Variants in ST7 observed in about 807,000 individuals in gnomAD.
ST7 encodes the protein suppression of tumorigenicity 7, also known as suppressor of tumorigenicity 7 protein.
Under a neutral mutation model 78.7 loss-of-function variants are expected in ST7, and 28 were observed. That is an observed-to-expected ratio of 0.36 (90% CI 0.26 to 0.49). The LOEUF (loss-of-function observed/expected upper bound fraction) is 0.49. ST7 is among the 20% of genes least tolerant of loss of function. ST7 has a pLI of 0.99. For synonymous variants in ST7, 247 were observed against 249.6 expected, an observed-to-expected ratio of 0.99 and a Z score of 0.10; for missense variants, 418 against 696.0, an observed-to-expected ratio of 0.60 and a Z score of 4.49.
Position 117,002,773 on chromosome 7 carries a change from A to C in ST7, c.151+49082A>C, listed in dbSNP as rs373282117. ...ATCTGTTTATGATTTTATATGATTAAGACAACATGAAATTAGATGCATCTA... is the reference window on the plus strand; with the variant it reads ...ATCTGTTTATGATTTTATATGATTACGACAACATGAAATTAGATGCATCTA... On this transcript the variant is annotated intron_variant, in intron 1 of 15. Coordinates refer to ENST00000323984, the MANE Select transcript of ST7 (RefSeq NM_001369598.1). Among the ~76,000 whole-genome samples the C allele has an allele frequency of 7.9e-5, 12 of 151,098 alleles. No individual in the cohort carries two copies. In the East Asian group the frequency reaches 2.3e-3, roughly 29 times the overall value.
At chr7:117,095,504 C>G (rs1263661296) in intron 1 of ST7, among the ~76,000 whole-genome samples, 2 of 152,218 alleles carry the variant, frequency 1.3e-5, no homozygotes, top group Admixed American at 1.3e-4. Flanking sequence ...AATGAGAAGA[C>G]TATGCCAGGT....
intron 2 of ST7, among the ~76,000 whole-genome samples, chr7:117,108,827 C>G (rs1802183845): frequency 6.6e-6 from 1 of 151,988 alleles, no homozygotes; most frequent in Admixed American, 6.6e-5. Context: ...AAGTGTATTC[C>G]TAAGTATTTT....
rs137866535 is a variant in ST7 at position 117,193,150 on chromosome 7, T to TACACACACACACACACACAC, written c.1254+2227_1254+2246dup. On this transcript the variant is annotated intron_variant, in intron 12 of 15. Transcript: ENST00000323984. Reference sequence around the variant, plus strand: ...GCTCTAAATATCTAACTTTAGCAGATACACACACACACACACACACACACA... The same window carrying TACACACACACACACACACAC: ...GCTCTAAATATCTAACTTTAGCAGATACACACACACACACACACACACACACACACACACACACACACACA... Among the ~76,000 whole-genome samples the TACACACACACACACACACAC allele has an allele frequency of 1.8e-3, 256 of 144,964 alleles. 1 individual carries two copies. The highest frequency in any genetic ancestry group is 5.0e-3 in the African/African-American group (198 of 39,240).
At chr7:116,971,795 A>G (rs186199278) in intron 1 of ST7, among the ~76,000 whole-genome samples, 2,710 of 149,196 alleles carry the variant, frequency 0.018, 36 homozygotes, top group Non-Finnish European at 0.028. Context: ...AAAAGTGAGA[A>G]AAGGATTAGA....
At chr7:117,225,516 C>T (rs776488330) in intron 15 of ST7, among the ~76,000 whole-genome samples, 5 of 152,100 alleles carry the variant, frequency 3.3e-5, no homozygotes, top group South Asian at 4.1e-4. Context: ...CCCCTTCTCC[C>T]GCCGCCTCCT....
intron 1 of ST7, among the ~76,000 whole-genome samples, chr7:117,095,938 G>A (rs1800993705): frequency 6.6e-6 from 1 of 151,760 alleles, no homozygotes; most frequent in African/African-American, 2.4e-5. Context: ...TGTGGTGGCA[G>A]GTGCCTGCAA....
At chr7:117,097,921 T>A (rs1412454837) in intron 1 of ST7, among the ~76,000 whole-genome samples, 1 of 109,860 alleles carries the variant, frequency 9.1e-6, no homozygotes, top group South Asian at 3.2e-4. Flanking sequence ...TTTTTTTTTT[T>A]TTTTTTTGAT....
chr7:117,055,334 C>G (rs1798007002), intron 1 of ST7, among the ~76,000 whole-genome samples: 1 of 152,080 alleles, frequency 6.6e-6, no homozygotes, highest in African/African-American at 2.4e-5. Flanking sequence ...TCCCAAGTAG[C>G]TGGGATTACA....
chr7:117,052,817 G>A (rs1045401182), intron 1 of ST7, among the ~76,000 whole-genome samples: 6 of 152,208 alleles, frequency 3.9e-5, no homozygotes, highest in South Asian at 2.1e-4. Context: ...TGGCGTGAAC[G>A]CAGGAGGCGG....
At chr7:117,115,905 C>T (rs1802844755) in intron 2 of ST7, among the ~76,000 whole-genome samples, 2 of 152,164 alleles carry the variant, frequency 1.3e-5, no homozygotes, top group Non-Finnish European at 2.9e-5. Flanking sequence ...TTCCAAATAT[C>T]CTTCCATTCA....
intron 1 of ST7, among the ~76,000 whole-genome samples, chr7:116,982,919 A>T (rs554022004): frequency 6.6e-6 from 1 of 152,026 alleles, no homozygotes; most frequent in Admixed American, 6.6e-5. Flanking sequence ...TGTTTTTGAG[A>T]TGGAGTTTCA....
At chr7:117,130,946 T>G (rs1306528520) in intron 5 of ST7, among the ~76,000 whole-genome samples, 1 of 151,882 alleles carries the variant, frequency 6.6e-6, no homozygotes, top group Non-Finnish European at 1.5e-5. Context: ...ATATTCAAAG[T>G]AGAAATTGGA....
chr7:117,187,383 A>G lies in ST7; in HGVS notation c.1079-1938A>G, dbSNP rs377274311. ...TTTTTTAAGCATTTTTCTTGTGCAC[A>G]TATACTACTTAATAAAGGAGAAGGA... On this transcript the variant is annotated intron_variant, in intron 10 of 15. Coordinates refer to ENST00000323984, the MANE Select transcript of ST7 (RefSeq NM_001369598.1). Among the ~76,000 whole-genome samples, 44 of 152,266 alleles carry G rather than the reference A, an allele frequency of 2.9e-4. No individual in the cohort carries two copies. In the South Asian group the frequency reaches 3.9e-3, roughly 14 times the overall value.
At chr7:117,076,950 C>A (rs1799390070) in intron 1 of ST7, among the ~76,000 whole-genome samples, 1 of 152,138 alleles carries the variant, frequency 6.6e-6, no homozygotes, top group African/African-American at 2.4e-5. Flanking sequence ...CCAGGAGAAA[C>A]AAGTTTACAC....
At chr7:117,121,360 T>C (rs555311500) in intron 3 of ST7, among the ~76,000 whole-genome samples, 17 of 152,312 alleles carry the variant, frequency 1.1e-4, no homozygotes, top group African/African-American at 4.1e-4. Context: ...ATGCCATCTT[T>C]TATATGTGTA....
At chr7:117,104,323 C>G (rs1801792729) in intron 2 of ST7, among the ~76,000 whole-genome samples, 1 of 152,136 alleles carries the variant, frequency 6.6e-6, no homozygotes, top group African/African-American at 2.4e-5. Context: ...ACCTGTAGTC[C>G]CAGCTGTTCA....
At chr7:116,986,214 G>T (rs1794184256) in intron 1 of ST7, among the ~76,000 whole-genome samples, 1 of 152,198 alleles carries the variant, frequency 6.6e-6, no homozygotes, top group Admixed American at 6.5e-5. Context: ...TTGAAAGTGG[G>T]ATGATTCTGC....
intron 9 of ST7, among the ~76,000 whole-genome samples, chr7:117,164,373 T>C (rs1807382661): frequency 6.6e-6 from 1 of 152,188 alleles, no homozygotes; most frequent in African/African-American, 2.4e-5. Context: ...AATTATCTAA[T>C]ATTCAGCTGC....
chr7:117,070,611 G>A (rs1798880460), intron 1 of ST7, among the ~76,000 whole-genome samples: 1 of 152,058 alleles, frequency 6.6e-6, no homozygotes, highest in South Asian at 2.1e-4. Context: ...CGCGATCTCG[G>A]CTCACTGCAA....
Sources: allele counts gnomAD v4.1 joint callset (sites outside exome capture counted in the v4.1 genomes callset), GRCh38; gene constraint gnomAD v4.1.1; transcripts MANE v1.5; gene names NCBI Gene and HGNC (gene_info 2026-07-23, HGNC 2026-07-21).